ABCA1: variants seen among roughly 807,000 people sequenced by gnomAD.
The protein encoded by ABCA1 is phospholipid-transporting ATPase ABCA1.
A neutral mutation model predicts 262.5 loss-of-function variants in ABCA1; 133 were observed. The observed-to-expected ratio is 0.51, with a 90% CI of 0.44 to 0.59. The LOEUF is 0.59. ABCA1 is among the 20% of genes least tolerant of loss of function. The pLI, the probability that ABCA1 is intolerant of heterozygous loss-of-function variation, is 0.00. For missense variants in ABCA1, 2,452 were observed against 2,777.5 expected (o/e 0.88, Z 2.63); for synonymous variants, 1,022 against 1,043.5 (o/e 0.98, Z 0.40).
intron 7 of ABCA1, among the ~76,000 whole-genome samples, chr9:104,846,214 G>T (rs1430079393): frequency 6.6e-6 from 1 of 152,134 alleles, no homozygotes; most frequent in East Asian, 1.9e-4. Flanking sequence ...GAAAGCATAA[G>T]CTAAAGAAAA....
In ABCA1 at chr9:104,926,786, C is replaced by A. The variant is rs370371551; in HGVS notation, c.-93+1149G>T. On this transcript the variant is annotated intron_variant, in intron 1 of 49. Coordinates refer to ENST00000374736, the MANE Select transcript of ABCA1 (RefSeq NM_005502.4). ...CCTCGGCCCAGCTTCCCCATCTGCG[C>A]CCAGGCAGAAGCTGCCCCGAGAGAC... 2.2e-4 allele frequency among the ~76,000 whole-genome samples: 34 copies of A among 152,360 alleles called. No individual in the cohort carries two copies. In the East Asian group the frequency reaches 5.6e-3, roughly 25 times the overall value.
At chr9:104,853,284 ACACCATTTT>A (rs1835538233) in intron 7 of ABCA1, among the ~76,000 whole-genome samples, 1 of 152,196 alleles carries the variant, frequency 6.6e-6, no homozygotes, top group Non-Finnish European at 1.5e-5. Flanking sequence ...TAAGGATCAG[ACACCATTTT>A]CACATCACTG....
chr9:104,828,252 A>G (rs568968933), intron 15 of ABCA1, among the ~76,000 whole-genome samples: 3 of 152,280 alleles, frequency 2.0e-5, no homozygotes, highest in African/African-American at 7.2e-5. Flanking sequence ...GGCAGCCCAC[A>G]TCCAGTGATT....
intron 1 of ABCA1, among the ~76,000 whole-genome samples, chr9:104,921,489 C>G (rs1435298879): frequency 2.6e-5 from 4 of 152,186 alleles, no homozygotes; most frequent in Non-Finnish European, 5.9e-5. Context: ...AGAGCATTTT[C>G]TTAAATCACA....
intron 5 of ABCA1, among the ~76,000 whole-genome samples, chr9:104,878,630 G>C (rs914850980): frequency 1.3e-5 from 2 of 152,132 alleles, no homozygotes; most frequent in African/African-American, 4.8e-5. Context: ...GGCCATATTT[G>C]TTTTGGACAC....
chr9:104,856,185 T>C, intron 7 of ABCA1: 1 of 1,429,794 alleles, frequency 7.0e-7, no homozygotes, highest in Non-Finnish European at 9.2e-7. Flanking sequence ...ATTAAGGCCC[T>C]GCTTAATTCA....
intron 15 of ABCA1, among the ~76,000 whole-genome samples, 173 bp from the exon 16 acceptor site, chr9:104,827,342 T>G (rs1008020890): frequency 2.6e-5 from 4 of 152,178 alleles, no homozygotes; most frequent in African/African-American, 9.7e-5. Flanking sequence ...CTAAAGAAGA[T>G]AAGTGACTTA....
chr9:104,889,877 A>G (rs964630643), intron 2 of ABCA1, among the ~76,000 whole-genome samples: 5 of 152,194 alleles, frequency 3.3e-5, no homozygotes, highest in African/African-American at 1.2e-4. Flanking sequence ...GTCCTTCCCC[A>G]TCTGTCCAGG....
chr9:104,854,591 C>T (rs1242211366), intron 7 of ABCA1, among the ~76,000 whole-genome samples: 4 of 152,130 alleles, frequency 2.6e-5, no homozygotes, highest in African/African-American at 9.7e-5. Context: ...CCTCTCCTCG[C>T]TCTGGGAAAG....
At chr9:104,861,372 T>A (rs10114399) in intron 6 of ABCA1, 24,590 of 554,794 alleles carry the variant, frequency 0.044, 4,678 homozygotes, top group African/African-American at 0.41. Context: ...CTGTGAATAT[T>A]TTTTAAGTTT....
intron 15 of ABCA1, among the ~76,000 whole-genome samples, chr9:104,827,951 T>G: frequency 6.6e-6 from 1 of 152,268 alleles, no homozygotes. Flanking sequence ...GAACTATTTG[T>G]AACAGATGGT....
Position 104,817,377 on chromosome 9 carries a change from C to G in ABCA1, c.3490G>C (p.Asp1164His). The change falls in exon 24 of 50, where the codon GAT (aspartate) becomes CAT (histidine). Residue 1164 changes from aspartate (D) to histidine (H), a missense_variant. By Grantham distance (81) the Asp-to-His change is moderately conservative (BLOSUM62 -1). Around this residue, in one of 4 missense-constraint regions of ABCA1, gnomAD observed 665 missense variants for 727.3 expected, o/e 0.91. Transcript: ENST00000374736. The surrounding 1 kb of genome is among the most constrained non-coding windows in gnomAD (Gnocchi z 4.7). ...KEDSVSQSSSDAGLGSDHESD... is the reference protein window; with the variant it reads ...KEDSVSQSSSHAGLGSDHESD... Reference sequence around the variant, plus strand: ...TCATGGTCGCTGCCCAGGCCAGCATCAGAACTGCTCTGAGAAACACTGTCC... The same window carrying G: ...TCATGGTCGCTGCCCAGGCCAGCATGAGAACTGCTCTGAGAAACACTGTCC... The G allele has an allele frequency of 6.2e-7, 1 of 1,614,214 alleles. No individual in the cohort carries two copies. Among genetic ancestry groups the G allele is most frequent in the Non-Finnish European group, 8.5e-7 (1 of 1,180,038 alleles).
Position 104,903,718 on chromosome 9 carries a change from C to G in ABCA1, c.-39G>C, listed in dbSNP as rs753480380. On this transcript the variant is annotated 5_prime_UTR_variant, in exon 2 of 50. Coordinates refer to ENST00000374736, the MANE Select transcript of ABCA1 (RefSeq NM_005502.4). ...GCACCCCCAGCGTGTGGCTCGGGAG[C>G]CCTGGAAGGCAGCGGCCAGAGCTCA... The G allele has an allele frequency of 1.2e-5, 18 of 1,556,176 alleles. No individual in the cohort carries two copies. The highest frequency in any genetic ancestry group is 1.5e-5 in the Non-Finnish European group (17 of 1,148,700).
chr9:104,907,692 T>C (rs774391836), intron 1 of ABCA1, among the ~76,000 whole-genome samples: 5 of 152,216 alleles, frequency 3.3e-5, no homozygotes, highest in Admixed American at 6.5e-5. Context: ...AGGTGACTCC[T>C]GGGACATCCT....
Position 104,819,868 on chromosome 9 carries a change from G to A in ABCA1, c.3103+59C>T, listed in dbSNP as rs370373349. On this transcript the variant is annotated intron_variant, in intron 21 of 49. Coordinates refer to ENST00000374736, the MANE Select transcript of ABCA1 (RefSeq NM_005502.4). Reference sequence around the variant, plus strand: ...CCTGGGGCAGTGCTGATTTTCCTCCGCATGTGTGTAGCCGGAGGAGGAGGG... The same window carrying A: ...CCTGGGGCAGTGCTGATTTTCCTCCACATGTGTGTAGCCGGAGGAGGAGGG... The A allele has an allele frequency of 1.1e-5, 17 of 1,608,798 alleles. 1 individual carries two copies. The highest frequency in any genetic ancestry group is 5.5e-5 in the South Asian group (5 of 90,978).
At chr9:104,889,242 G>A in intron 2 of ABCA1, 47 bp from the exon 3 acceptor site, 1 of 1,590,260 alleles carries the variant, frequency 6.3e-7, no homozygotes, top group Non-Finnish European at 8.6e-7. Context: ...AAATAATATG[G>A]ATATCCAATG....
intron 18 of ABCA1, among the ~76,000 whole-genome samples, chr9:104,823,423 G>C (rs963932495): frequency 6.6e-6 from 1 of 152,226 alleles, no homozygotes; most frequent in African/African-American, 2.4e-5. Flanking sequence ...CTATTCTACA[G>C]TTACACATGC....
chr9:104,877,362 T>C (rs1300862456), intron 5 of ABCA1, among the ~76,000 whole-genome samples: 1 of 152,246 alleles, frequency 6.6e-6, no homozygotes, highest in Non-Finnish European at 1.5e-5. Flanking sequence ...CACCCACTAC[T>C]GTGCTGGGGC....
At position 104,799,365 on chromosome 9, in the gene ABCA1, T is replaced by G. The variant is rs775389328; in HGVS notation, c.4943+454A>C. On this transcript the variant is annotated intron_variant, in intron 36 of 49. Transcript: ENST00000374736. ...CTGTATGACTCCAAAGGCTGCATACTTTAAACTAGCTCATCCTGGCTTTAA... is the reference window on the plus strand; with the variant it reads ...CTGTATGACTCCAAAGGCTGCATACGTTAAACTAGCTCATCCTGGCTTTAA... 765 of 841,414 alleles carry G rather than the reference T, an allele frequency of 9.1e-4. 5 individuals are homozygous for G. The highest frequency in any genetic ancestry group is 1.3e-3 in the Admixed American group (20 of 15,092). The allele number at this position is 841,414 out of a possible 1,614,324, so 52.1% of individuals were successfully genotyped here.
Sources: allele counts gnomAD v4.1 joint callset (sites outside exome capture counted in the v4.1 genomes callset), GRCh38; gene constraint gnomAD v4.1.1; regional missense constraint gnomAD v4.1.1; non-coding constraint Gnocchi (gnomAD v3.1); transcripts MANE v1.5; gene names NCBI Gene and HGNC (gene_info 2026-07-23, HGNC 2026-07-21).